NUP88: variants seen among roughly 807,000 people sequenced by gnomAD.
NUP88 encodes nucleoporin 88.
In NUP88, 57 loss-of-function variants were observed where a neutral mutation model predicts 93.9. That is an observed-to-expected ratio of 0.61 (90% CI 0.49 to 0.76). The LOEUF (loss-of-function observed/expected upper bound fraction) is 0.76. Ranked by LOEUF, NUP88 falls within the 30% of genes least tolerant of loss-of-function variation. NUP88 has a pLI of 0.00. For missense variants in NUP88, 911 were observed against 901.0 expected, an observed-to-expected ratio of 1.01 and a Z score of -0.14; for synonymous variants, 346 against 336.8, an observed-to-expected ratio of 1.03 and a Z score of -0.30.
intron 9 of NUP88, among the ~76,000 whole-genome samples, chr17:5,393,973 CTG>C (rs1302796517): frequency 1.3e-5 from 2 of 152,114 alleles, no homozygotes; most frequent in Non-Finnish European, 2.9e-5. Context: ...CTGGGGATAA[CTG>C]GGGTGATATG....
At position 5,385,964 on chromosome 17, in the gene NUP88, G is replaced by A; in HGVS notation, c.*242C>T. ...GGGTTCAGGGAGGTTCTGGCAGTGT[G>A]CAGTGTGAAATAATCCTGAGTCCTT... On this transcript the variant is annotated 3_prime_UTR_variant, in exon 17 of 17. Coordinates refer to ENST00000573584, the MANE Select transcript of NUP88 (RefSeq NM_002532.6). 1 of 459,116 alleles carries A rather than the reference G, an allele frequency of 2.2e-6. No homozygotes were observed. The highest frequency in any genetic ancestry group is 4.5e-5 in the South Asian group (1 of 22,120). The allele number at this position is 459,116 out of a possible 1,614,324, so 28.4% of individuals were successfully genotyped here. A position where few individuals can be genotyped will look rare whatever the true frequency, so the allele number is the denominator to read the frequency against.
At chr17:5,390,255 T>A (rs887389163) in intron 10 of NUP88, among the ~76,000 whole-genome samples, 3 of 152,140 alleles carry the variant, frequency 2.0e-5, no homozygotes, top group African/African-American at 7.2e-5. Context: ...TGTGACTAGG[T>A]TTTATTTTAC....
chr17:5,408,723 C>A lies in NUP88; in HGVS notation c.857+10G>T. On this transcript the variant is annotated intron_variant, in intron 5 of 16. Transcript: ENST00000573584. ...GTTTTCATTTCAGGTGGGTGACCAC[C>A]TCAACTTACCTGTGTAACAGACTGA... 1 of 1,572,752 alleles carries A rather than the reference C, an allele frequency of 6.4e-7. No homozygotes were observed. Among genetic ancestry groups the A allele is most frequent in the Non-Finnish European group, 8.6e-7 (1 of 1,161,108 alleles).
chr17:5,405,219 C>A lies in NUP88; in HGVS notation c.882G>T (p.Leu294Phe). The change falls in exon 6 of 17, where the codon TTG becomes TTT. Residue 294 changes from leucine to phenylalanine, a missense_variant. Transcript: ENST00000573584. The stretch of plus-strand genomic sequence containing the variant: ...CCGCAGGATGCATGGGCAATGGACC[C>A]AACAGCTTTCCAATATTTCCAGGGC... ...LHSPGNIGKL[L>F]GPLPMHPAAE... 1 of 1,613,340 alleles carries A rather than the reference C, an allele frequency of 6.2e-7. No individual in the cohort carries two copies. Among genetic ancestry groups the A allele is most frequent in the Non-Finnish European group, 8.5e-7 (1 of 1,179,668 alleles).
At chr17:5,401,335 T>G (rs889007726) in intron 7 of NUP88, among the ~76,000 whole-genome samples, 1 of 151,794 alleles carries the variant, frequency 6.6e-6, no homozygotes, top group Non-Finnish European at 1.5e-5. Flanking sequence ...GTGAGCCGAG[T>G]TGTACCACTG....
intron 9 of NUP88, among the ~76,000 whole-genome samples, chr17:5,391,957 G>A (rs971178193): frequency 1.4e-5 from 2 of 146,462 alleles, no homozygotes; most frequent in East Asian, 2.2e-4. Flanking sequence ...ATAAGCCCCA[G>A]CTATCTTTGT....
chr17:5,413,223 C>T (rs139566309), intron 3 of NUP88, among the ~76,000 whole-genome samples: 110 of 152,266 alleles, frequency 7.2e-4, no homozygotes, highest in African/African-American at 2.6e-3. Flanking sequence ...CCTCCCACCT[C>T]GGCCTCCCAA....
chr17:5,404,048 C>T, intron 7 of NUP88, 51 bp downstream of exon 7: 3 of 1,545,266 alleles, frequency 1.9e-6, no homozygotes, highest in East Asian at 4.5e-5. Context: ...CTATGATAGT[C>T]TTAGTATAAA....
Position 5,414,118 on chromosome 17 carries a change from C to T in NUP88, c.484G>A (p.Glu162Lys), listed in dbSNP as rs1225432665. The T allele has an allele frequency of 1.2e-5, 20 of 1,613,422 alleles. No individual in the cohort carries two copies. In the South Asian group the frequency reaches 1.8e-4, roughly 14 times the overall value. ...GAGGTGGAACTGGTGAAAAATCTCT[C>T]CGCAACTGGAGTGGTACTAAAATAA... ...TVNCSTTPVAERFFTSSTSLT... is the reference protein window; with the variant it reads ...TVNCSTTPVAKRFFTSSTSLT... Residue 162 changes from glutamate to lysine, a missense_variant, in exon 3 of 17, where the codon GAG (glutamate) becomes AAG (lysine). Physicochemically the swap from Glu to Lys is moderately conservative, Grantham distance 56. Coordinates refer to ENST00000573584, the MANE Select transcript of NUP88 (RefSeq NM_002532.6).
At chr17:5,412,843 T>C (rs1337887809) in intron 3 of NUP88, among the ~76,000 whole-genome samples, 1 of 152,128 alleles carries the variant, frequency 6.6e-6, no homozygotes, top group East Asian at 1.9e-4. Flanking sequence ...CTGAAGGAGT[T>C]AGATTTGGAG....
chr17:5,403,464 G>A (rs866945904), intron 7 of NUP88, among the ~76,000 whole-genome samples: 8 of 152,146 alleles, frequency 5.3e-5, no homozygotes, highest in South Asian at 4.2e-4. Flanking sequence ...GCAACAGAGC[G>A]AGACTCCATC....
At chr17:5,406,440 T>C (rs1433072114) in intron 5 of NUP88, among the ~76,000 whole-genome samples, 1 of 152,220 alleles carries the variant, frequency 6.6e-6, no homozygotes, top group East Asian at 1.9e-4. Flanking sequence ...TTGTGTGCTA[T>C]GTTAAACTAT....
chr17:5,404,794 TTGTATC>T (rs1413717203), intron 6 of NUP88, among the ~76,000 whole-genome samples: 2 of 152,188 alleles, frequency 1.3e-5, no homozygotes, highest in African/African-American at 2.4e-5. Flanking sequence ...CCAAGGCTCT[TTGTATC>T]TGTCCCTGAA....
intron 6 of NUP88, among the ~76,000 whole-genome samples, chr17:5,404,615 C>CA (rs1913380319): frequency 6.6e-6 from 1 of 151,444 alleles, no homozygotes; most frequent in Non-Finnish European, 1.5e-5. Context: ...ACTCTGTCTC[C>CA]AAAAAATAAT....
intron 1 of NUP88, among the ~76,000 whole-genome samples, chr17:5,419,091 C>G (rs1367771313): frequency 6.6e-6 from 1 of 152,214 alleles, no homozygotes; most frequent in Non-Finnish European, 1.5e-5. Flanking sequence ...GTTCTCAACC[C>G]CTTTAGCCCG....
At chr17:5,387,281 G>T in intron 14 of NUP88, 105 bp downstream of exon 14, 2 of 1,238,888 alleles carry the variant, frequency 1.6e-6, no homozygotes, top group Non-Finnish European at 2.3e-6. Context: ...GAGGCAGGGG[G>T]ATCAGTTCAG....
At chr17:5,415,081 G>A (rs999166715) in intron 2 of NUP88, among the ~76,000 whole-genome samples, 1 of 151,496 alleles carries the variant, frequency 6.6e-6, no homozygotes, top group South Asian at 2.1e-4. Flanking sequence ...GTGCAGTGGC[G>A]TGATCTTTGC....
chr17:5,409,064 T>C (rs1379923747), intron 4 of NUP88, among the ~76,000 whole-genome samples, 155 bp from the exon 5 acceptor site: 1 of 152,202 alleles, frequency 6.6e-6, no homozygotes, highest in Non-Finnish European at 1.5e-5. Context: ...AAAATGATTA[T>C]GAAGAATGTT....
intron 6 of NUP88, 39 bp downstream of exon 6, chr17:5,405,018 G>A: frequency 6.4e-7 from 1 of 1,562,218 alleles, no homozygotes; most frequent in Non-Finnish European, 8.8e-7. Context: ...ACTATGCCAG[G>A]TGTTGAAGAT....
Sources: allele counts gnomAD v4.1 joint callset (sites outside exome capture counted in the v4.1 genomes callset), GRCh38; gene constraint gnomAD v4.1.1; transcripts MANE v1.5; gene names NCBI Gene and HGNC (gene_info 2026-07-23, HGNC 2026-07-21).